The following ATRN variants were observed in gnomAD, a reference collection of about 807,000 sequenced individuals.
ATRN encodes attractin, also known as attractin-2.
In ATRN, 54 loss-of-function variants were observed where a neutral mutation model predicts 178.7. That is an observed-to-expected ratio of 0.30 (90% confidence interval 0.24 to 0.38). The LOEUF (loss-of-function observed/expected upper bound fraction) is 0.38. Among genes scored for constraint, ATRN ranks in the 10% least tolerant of loss-of-function variants. The pLI, the probability that ATRN is intolerant of heterozygous loss-of-function variation, is 1.00. For missense variants in ATRN, 1,443 were observed against 1,815.1 expected (o/e 0.79, Z 3.73); for synonymous variants, 636 against 663.0 (o/e 0.96, Z 0.63).
intron 1 of ATRN, among the ~76,000 whole-genome samples, chr20:3,514,895 C>T (rs964069726): frequency 3.3e-5 from 5 of 152,156 alleles, no homozygotes; most frequent in South Asian, 4.1e-4. Context: ...TGGTTGAGGC[C>T]GCAGTGAGCC....
chr20:3,622,494 A>G (rs2753980), intron 24 of ATRN, among the ~76,000 whole-genome samples: 65,898 of 151,436 alleles, frequency 0.44, 15,130 homozygotes, highest in African/African-American at 0.58. Flanking sequence ...TGCCTTTTAC[A>G]TTGAGTAATT....
intron 20 of ATRN, among the ~76,000 whole-genome samples, chr20:3,596,144 T>C (rs1408331083): frequency 6.6e-6 from 1 of 152,246 alleles, no homozygotes; most frequent in Non-Finnish European, 1.5e-5. Context: ...CTCATTGCTT[T>C]GGCAAATGCT....
intron 1 of ATRN, among the ~76,000 whole-genome samples, chr20:3,524,033 A>T (rs1363125247): frequency 1.3e-5 from 2 of 152,230 alleles, no homozygotes; most frequent in African/African-American, 4.8e-5. Flanking sequence ...ACCAGCTAGC[A>T]TCATAATGAC....
chr20:3,494,864 C>T (rs2084857009), intron 1 of ATRN, among the ~76,000 whole-genome samples: 1 of 152,034 alleles, frequency 6.6e-6, no homozygotes, highest in African/African-American at 2.4e-5. Context: ...AGGGACAGCC[C>T]AGGATTTGAG....
intron 18 of ATRN, among the ~76,000 whole-genome samples, chr20:3,588,981 GTTT>G (rs386393128): frequency 1.0e-4 from 10 of 99,772 alleles, no homozygotes; most frequent in Non-Finnish European, 1.3e-4. Context: ...ATTTTCTTTT[GTTT>G]TTTTTTTTTT....
intron 1 of ATRN, among the ~76,000 whole-genome samples, chr20:3,510,706 T>C (rs1196173069): frequency 6.6e-6 from 1 of 152,156 alleles, no homozygotes; most frequent in Non-Finnish European, 1.5e-5. Context: ...TGCCCATCTG[T>C]CTGATTTTTT....
rs1195329510 is a variant in ATRN, at chr20:3,594,543, C to T, written c.3387C>T (p.Thr1129=). The T allele has an allele frequency of 1.2e-6, 2 of 1,612,296 alleles. No individual in the cohort carries two copies. Among genetic ancestry groups the T allele is most frequent in the African/African-American group, 1.3e-5 (1 of 74,916 alleles). ...ACACGGGCAAGTGCTTCTGCACCAC[C>T]AAGGGCGTCAAGGGGGACGAGTGCC... The part of the protein sequence containing the change: ...NTNTGKCFCT[T]KGVKGDECQL... Residue 1129 remains threonine, a synonymous_variant, in exon 20 of 29, where the codon ACC becomes ACT. Coordinates refer to ENST00000262919, the MANE Select transcript of ATRN (RefSeq NM_139321.3).
intron 1 of ATRN, among the ~76,000 whole-genome samples, chr20:3,531,841 A>G (rs960719278): frequency 1.3e-5 from 2 of 152,220 alleles, no homozygotes; most frequent in African/African-American, 4.8e-5. Flanking sequence ...CTGTGATCAT[A>G]TCTATGCATT....
intron 2 of ATRN, among the ~76,000 whole-genome samples, chr20:3,537,429 T>G (rs1052064578): frequency 6.6e-6 from 1 of 152,058 alleles, no homozygotes; most frequent in Non-Finnish European, 1.5e-5. Flanking sequence ...AAAGTGGTTT[T>G]CATTGAGAAA....
rs1425811274 is a variant in ATRN, at chr20:3,563,124, A to G, written c.1632-85A>G. ...TTGTACATTTGGGTCTGAGGTTAAT[A>G]AAGTGGTTGTGCTTGCATTAGCAGA... On this transcript the variant is annotated intron_variant, in intron 9 of 28. Transcript: ENST00000262919. The G allele has an allele frequency of 2.4e-6, 3 of 1,240,878 alleles. No individual in the cohort carries two copies. The Admixed American group carries it at 6.2e-5, about 26-fold the overall frequency. 76.9% of individuals were successfully genotyped at this position (1,240,878 alleles called of 1,614,324 possible).
At chr20:3,484,356 T>C (rs1283132414) in intron 1 of ATRN, among the ~76,000 whole-genome samples, 4 of 152,180 alleles carry the variant, frequency 2.6e-5, no homozygotes, top group African/African-American at 9.7e-5. Flanking sequence ...ATTCCTTTCC[T>C]GTACTGACCT....
At chr20:3,587,809 C>T (rs1308412861) in intron 18 of ATRN, among the ~76,000 whole-genome samples, 2 of 151,920 alleles carry the variant, frequency 1.3e-5, no homozygotes, top group African/African-American at 4.8e-5. Context: ...ATCTACTGAC[C>T]AATTTGGGGT....
rs755839512 is a variant in ATRN at position 3,540,233 on chromosome 20, T to A, written c.506T>A (p.Ile169Lys). 1 of 1,591,636 alleles carries A rather than the reference T, an allele frequency of 6.3e-7. No homozygotes were observed. Among genetic ancestry groups the A allele is most frequent in the Non-Finnish European group, 8.6e-7 (1 of 1,167,244 alleles). Reference sequence around the variant, plus strand: ...TTTATTCTTTTCAGGCCAAATAGAATAATGAGACTTCGTTTCAATCATTTT... The same window carrying A: ...TTTATTCTTTTCAGGCCAAATAGAAAAATGAGACTTCGTTTCAATCATTTT... ...TWLIEGQPNR[I>K]MRLRFNHFAT... Residue 169 changes from isoleucine (I) to lysine (K), a missense_variant, in exon 3 of 29, where the codon ATA becomes AAA. Physicochemically the swap from Ile to Lys is moderately radical, Grantham distance 102 (BLOSUM62 -3). Transcript: ENST00000262919.
chr20:3,471,906 A>G (rs1473621358), intron 1 of ATRN, among the ~76,000 whole-genome samples: 1 of 152,192 alleles, frequency 6.6e-6, no homozygotes. Context: ...TAACATCCAC[A>G]TGTGCCCTAG....
rs941533199 is a variant in ATRN at position 3,637,147 on chromosome 20, C to T, written c.3943-1681C>T. Among the ~76,000 whole-genome samples, 31 of 152,256 alleles carry T rather than the reference C, an allele frequency of 2.0e-4. No individual in the cohort carries two copies. The East Asian group carries it at 3.7e-3, about 18-fold the overall frequency. ...TCATCTAATAAACTATGCTTTTACC[C>T]GTGTGATTTGGAATTTCTCTGTAAC... On this transcript the variant is annotated intron_variant, in intron 26 of 28. Coordinates refer to ENST00000262919, the MANE Select transcript of ATRN (RefSeq NM_139321.3).
intron 1 of ATRN, among the ~76,000 whole-genome samples, chr20:3,494,479 A>C (rs1435831371): frequency 6.6e-6 from 1 of 152,182 alleles, no homozygotes; most frequent in Non-Finnish European, 1.5e-5. Context: ...GCCACAGTTA[A>C]GAGACTGTTG....
chr20:3,508,053 A>G (rs2085072024), intron 1 of ATRN, among the ~76,000 whole-genome samples: 1 of 151,880 alleles, frequency 6.6e-6, no homozygotes, highest in South Asian at 2.1e-4. Flanking sequence ...TTATCTTTAC[A>G]CAAGCAAGAA....
In ATRN at chr20:3,562,788, TG is replaced by T. The variant is rs1249805942; in HGVS notation, c.1631+330del. Among the ~76,000 whole-genome samples, 6 of 152,362 alleles carry T rather than the reference TG, an allele frequency of 3.9e-5. No homozygotes were observed. In the East Asian group the frequency reaches 1.2e-3, roughly 29 times the overall value. On this transcript the variant is annotated intron_variant, in intron 9 of 28. Coordinates refer to ENST00000262919, the MANE Select transcript of ATRN (RefSeq NM_139321.3). The stretch of plus-strand genomic sequence containing the variant: ...ATGTTTGATACCTTGCTATGGGTAC[TG>T]TTTTATATTCTGTCATAAAAATAAT...
intron 1 of ATRN, chr20:3,490,411 A>C: frequency 1.1e-6 from 1 of 938,078 alleles, no homozygotes; most frequent in Non-Finnish European, 1.8e-6. Flanking sequence ...CTGATCTTGG[A>C]GAGGCTTTAC....
Sources: gnomAD v4.1 joint callset for allele counts (sites outside exome capture counted in the v4.1 genomes callset) on GRCh38, gnomAD v4.1.1 for gene constraint, MANE v1.5 for transcripts, NCBI Gene and HGNC (gene_info 2026-07-23, HGNC 2026-07-21) for gene names.